The following SLC4A7 variants were observed in gnomAD, a reference collection of about 807,000 sequenced individuals.
The protein encoded by SLC4A7 is sodium bicarbonate cotransporter 3.
SLC4A7 carries 51 observed loss-of-function variants against 137.6 expected under a neutral mutation model. The observed-to-expected ratio is 0.37, with a 90% confidence interval of 0.30 to 0.47. The LOEUF is 0.47. Among genes scored for constraint, SLC4A7 ranks in the 20% least tolerant of loss-of-function variants. The pLI is 1.00. For synonymous variants in SLC4A7, 542 were observed against 518.6 expected, an observed-to-expected ratio of 1.05 and a Z score of -0.61; for missense variants, 1,247 against 1,525.4, an observed-to-expected ratio of 0.82 and a Z score of 3.04.
chr3:27,420,750 G>T lies in SLC4A7; in HGVS notation c.1462C>A (p.Pro488Thr), dbSNP rs752608162. The change falls in exon 10 of 26, where the codon CCA becomes ACA. Residue 488 changes from proline to threonine, a missense_variant. Physicochemically the swap from Pro to Thr is conservative, Grantham distance 38 (BLOSUM62 -1). Coordinates refer to ENST00000454389, the MANE Select transcript of SLC4A7 (RefSeq NM_001321103.2). Reference sequence around the variant, plus strand: ...GATCGTCCAATTTCATGGTACTGTGGTGCCTTGCCCGCTGGACCCAATAAC... The same window carrying T: ...GATCGTCCAATTTCATGGTACTGTGTTGCCTTGCCCGCTGGACCCAATAAC... ...FLLLGPAGKA[P>T]QYHEIGRSIA... The T allele has an allele frequency of 1.9e-6, 3 of 1,613,560 alleles. No homozygotes were observed. The highest frequency in any genetic ancestry group is 3.3e-5 in the Admixed American group (2 of 59,958).
At chr3:27,431,262 A>C (rs773440321) in intron 7 of SLC4A7, 36 bp downstream of exon 7, 1 of 1,529,740 alleles carries the variant, frequency 6.5e-7, no homozygotes, top group Non-Finnish European at 8.8e-7. Context: ...ACTCAGAGGC[A>C]GAAAGCACCA....
At chr3:27,380,783 C>T (rs2050345573) in intron 24 of SLC4A7, among the ~76,000 whole-genome samples, 1 of 152,182 alleles carries the variant, frequency 6.6e-6, no homozygotes, top group Admixed American at 6.5e-5. Flanking sequence ...AATCTGAATA[C>T]CCAAGTTTAT....
intron 1 of SLC4A7, among the ~76,000 whole-genome samples, chr3:27,469,503 C>T (rs2150691979): frequency 6.6e-6 from 1 of 152,320 alleles, no homozygotes; most frequent in East Asian, 1.9e-4. Context: ...GACACACTTA[C>T]TTATGTTTAC....
chr3:27,472,485 C>T (rs2059290369), intron 1 of SLC4A7, among the ~76,000 whole-genome samples: 1 of 151,494 alleles, frequency 6.6e-6, no homozygotes, highest in South Asian at 2.1e-4. Context: ...AAAATATATA[C>T]ATATAAATAA....
intron 13 of SLC4A7, among the ~76,000 whole-genome samples, chr3:27,406,162 G>A (rs1481366035): frequency 6.6e-6 from 1 of 152,218 alleles, no homozygotes; most frequent in Admixed American, 6.5e-5. Flanking sequence ...TGGGAAGACT[G>A]ACTGCTACTA....
chr3:27,385,379 T>C (rs1313160587), intron 23 of SLC4A7, among the ~76,000 whole-genome samples: 2 of 152,172 alleles, frequency 1.3e-5, no homozygotes, highest in Non-Finnish European at 2.9e-5. Context: ...TAAGTGCATA[T>C]AAAGACTAAA....
chr3:27,464,448 C>T (rs2058864026), intron 1 of SLC4A7, among the ~76,000 whole-genome samples: 1 of 152,178 alleles, frequency 6.6e-6, no homozygotes, highest in African/African-American at 2.4e-5. Context: ...TAGCTCACGC[C>T]AGTAATCCCA....
chr3:27,473,705 C>CAAAA (rs747183440), intron 1 of SLC4A7, among the ~76,000 whole-genome samples: 15 of 59,454 alleles, frequency 2.5e-4, no homozygotes, highest in East Asian at 5.1e-4. Context: ...GACCTCATGT[C>CAAAA]AAAAAAAAAA....
intron 10 of SLC4A7, among the ~76,000 whole-genome samples, chr3:27,419,254 G>C (rs1353788536): frequency 2.0e-5 from 3 of 151,898 alleles, no homozygotes; most frequent in Admixed American, 2.0e-4. Context: ...AAAGAACAAA[G>C]GAGCCAGGAA....
intron 8 of SLC4A7, chr3:27,423,572 T>C (rs1279022074): frequency 2.0e-5 from 3 of 152,598 alleles, no homozygotes; most frequent in Non-Finnish European, 1.5e-5. Flanking sequence ...GAAGCACCAA[T>C]ATATTTCTCA....
At chr3:27,394,836 G>C (rs984696798) in intron 19 of SLC4A7, 67 bp from the exon 20 acceptor site, 1 of 1,556,810 alleles carries the variant, frequency 6.4e-7, no homozygotes, top group East Asian at 2.3e-5. Context: ...AATTCTACAC[G>C]AATTATAAAG....
At chr3:27,405,110 A>G (rs1470289467) in intron 13 of SLC4A7, 147 bp from the exon 14 acceptor site, 7 of 446,390 alleles carry the variant, frequency 1.6e-5, no homozygotes, top group Non-Finnish European at 2.3e-5. Flanking sequence ...AATTTAAAAT[A>G]TAAAAAATTA....
rs542521205 is a variant in SLC4A7 at position 27,401,503 on chromosome 3, T to A, written c.2322-634A>T. ...CTTAAAAGATGAAAAGTAATAATCA[T>A]GAATGTTCCAAACTAGGTTATGAAC... On this transcript the variant is annotated intron_variant, in intron 15 of 25. Coordinates refer to ENST00000454389, the MANE Select transcript of SLC4A7 (RefSeq NM_001321103.2). Among the ~76,000 whole-genome samples the A allele has an allele frequency of 5.3e-5, 8 of 152,212 alleles. No homozygotes were observed. The South Asian group carries it at 1.7e-3, about 32-fold the overall frequency.
At position 27,383,368 on chromosome 3, in the gene SLC4A7, C is replaced by T. The variant is rs1486376036; in HGVS notation, c.3493-118G>A. ...AACTGACATTATTTAAATATAACTG[C>T]CATTACTGAAAAATTTTATAATCAT... On this transcript the variant is annotated intron_variant, in intron 23 of 25. Transcript: ENST00000454389. 20 of 712,002 alleles carry T rather than the reference C, an allele frequency of 2.8e-5. 1 individual carries two copies. Among genetic ancestry groups the T allele is most frequent in the Non-Finnish European group, 4.3e-5 (18 of 419,060 alleles). The allele number at this position is 712,002 out of a possible 1,614,324, so 44.1% of individuals were successfully genotyped here.
chr3:27,425,240 T>C (rs1241049355), intron 7 of SLC4A7, among the ~76,000 whole-genome samples: 1 of 151,528 alleles, frequency 6.6e-6, no homozygotes, highest in African/African-American at 2.4e-5. Context: ...CGTGATGGCG[T>C]GTGCCTGTAG....
intron 8 of SLC4A7, chr3:27,422,897 A>G: frequency 2.3e-6 from 1 of 429,634 alleles, no homozygotes; most frequent in South Asian, 1.6e-5. Context: ...AAAAAAAGTA[A>G]GACTGTGACA....
intron 1 of SLC4A7, among the ~76,000 whole-genome samples, chr3:27,464,701 AAGCCAGCCAGCC>A (rs892010496): frequency 3.3e-5 from 5 of 152,036 alleles, no homozygotes; most frequent in African/African-American, 1.2e-4. Flanking sequence ...TCAAAAAAAA[AAGCCAGCCAGCC>A]AGCCCAGCGC....
rs1287927479 is a variant in SLC4A7 at position 27,397,584 on chromosome 3, C to G, written c.2703+100G>C. 1.0e-5 allele frequency: 7 copies of G among 673,612 alleles called. No individual in the cohort carries two copies. The East Asian group carries it at 1.7e-4, about 16-fold the overall frequency. 41.7% of individuals were successfully genotyped at this position (673,612 alleles called of 1,614,324 possible). On this transcript the variant is annotated intron_variant, in intron 18 of 25. Transcript: ENST00000454389. Reference sequence around the variant, plus strand: ...TCAAAGCATCAGCCCTTCAAAGAGACTACATACTTTTAAAACAATAACTAC... The same window carrying G: ...TCAAAGCATCAGCCCTTCAAAGAGAGTACATACTTTTAAAACAATAACTAC...
At chr3:27,448,006 G>C (rs2057789140) in intron 3 of SLC4A7, among the ~76,000 whole-genome samples, 1 of 151,966 alleles carries the variant, frequency 6.6e-6, no homozygotes, top group South Asian at 2.1e-4. Context: ...GAGGTCAGGA[G>C]TTCAAGACCA....
Sources: allele counts gnomAD v4.1 joint callset (sites outside exome capture counted in the v4.1 genomes callset), GRCh38; gene constraint gnomAD v4.1.1; transcripts MANE v1.5; gene names NCBI Gene and HGNC (gene_info 2026-07-23, HGNC 2026-07-21).